Variants in PIK3C2G observed in about 807,000 individuals in gnomAD.
The protein encoded by PIK3C2G is phosphatidylinositol-4-phosphate 3-kinase catalytic subunit type 2 gamma.
Under a neutral mutation model 181.1 loss-of-function variants are expected in PIK3C2G, and 168 were observed. The observed-to-expected ratio is 0.93, with a 90% CI of 0.82 to 1.05. The LOEUF (loss-of-function observed/expected upper bound fraction) is 1.05, where lower values mean the gene tolerates loss of function less well. PIK3C2G is among the 50% of genes least tolerant of loss of function. The pLI, the probability that PIK3C2G is intolerant of heterozygous loss-of-function variation, is 0.00. For missense variants in PIK3C2G, 1,869 were observed against 1,732.8 expected, an observed-to-expected ratio of 1.08 and a Z score of -1.40; for synonymous variants, 573 against 592.2, an observed-to-expected ratio of 0.97 and a Z score of 0.47.
At chr12:18,607,104 T>G in intron 30 of PIK3C2G, 4 of 478,302 alleles carry the variant, frequency 8.4e-6, no homozygotes, top group South Asian at 6.3e-5. Flanking sequence ...CATTTCACGA[T>G]AAGGGCTGTG....
At chr12:18,565,961 T>A (rs185797306) in intron 28 of PIK3C2G, among the ~76,000 whole-genome samples, 89 of 152,318 alleles carry the variant, frequency 5.8e-4, no homozygotes, top group African/African-American at 2.1e-3. Context: ...TACCTATCTA[T>A]CTATCTTCTA....
the PIK3C2G span, among the ~76,000 whole-genome samples, chr12:18,721,892 A>G: frequency 6.6e-6 from 1 of 151,988 alleles, no homozygotes; most frequent in Non-Finnish European, 1.5e-5. Context: ...GAACCCTTCA[A>G]AATCTTTGCA....
chr12:18,552,912 G>T (rs1225666650), intron 26 of PIK3C2G, among the ~76,000 whole-genome samples: 1 of 151,994 alleles, frequency 6.6e-6, no homozygotes, highest in Non-Finnish European at 1.5e-5. Context: ...TTTGAAAAAA[G>T]ATATCGTAAA....
chr12:18,245,076 G>A (rs537823882), upstream of PIK3C2G, among the ~76,000 whole-genome samples: 1 of 152,166 alleles, frequency 6.6e-6, no homozygotes, highest in East Asian at 1.9e-4. Flanking sequence ...CATGTGAACT[G>A]AAAAATACTT....
At chr12:18,635,452 A>G (rs1949551510) in intron 31 of PIK3C2G, among the ~76,000 whole-genome samples, 1 of 152,154 alleles carries the variant, frequency 6.6e-6, no homozygotes. Context: ...TGCCCATCCA[A>G]TTCGTGATGG....
chr12:18,591,980 A>G (rs1947106825), intron 29 of PIK3C2G, among the ~76,000 whole-genome samples: 2 of 152,000 alleles, frequency 1.3e-5, no homozygotes, highest in Non-Finnish European at 2.9e-5. Flanking sequence ...GGTGAGGAGA[A>G]CAGAGAGTCC....
chr12:18,700,204 AT>A, the PIK3C2G span, among the ~76,000 whole-genome samples: 3 of 151,952 alleles, frequency 2.0e-5, no homozygotes, highest in Non-Finnish European at 4.4e-5. Context: ...ATTACTATTT[AT>A]TTTTTTCCTA....
chr12:18,380,590 G>A (rs1201963149), intron 13 of PIK3C2G, among the ~76,000 whole-genome samples: 1 of 152,102 alleles, frequency 6.6e-6, no homozygotes, highest in East Asian at 1.9e-4. Flanking sequence ...CCCTGATATT[G>A]TTATACCAAG....
At chr12:18,623,258 A>G (rs971102720) in intron 31 of PIK3C2G, among the ~76,000 whole-genome samples, 1 of 151,762 alleles carries the variant, frequency 6.6e-6, no homozygotes, top group Non-Finnish European at 1.5e-5. Flanking sequence ...ATTCTTTTGC[A>G]TATGAATACC....
At chr12:18,462,235 A>G (rs971227099) in intron 18 of PIK3C2G, among the ~76,000 whole-genome samples, 4 of 152,172 alleles carry the variant, frequency 2.6e-5, no homozygotes, top group African/African-American at 9.6e-5. Context: ...TTTAATCCAC[A>G]GTCTGTTAGC....
chr12:18,650,704 GTATATATCTATATATATA>G (rs1950449180), downstream of PIK3C2G, among the ~76,000 whole-genome samples: 79 of 57,776 alleles, frequency 1.4e-3, no homozygotes, highest in African/African-American at 4.1e-3. Flanking sequence ...GTGTGTGTGT[GTATATATCTATATATATA>G]TATATATATA....
chr12:18,580,993 T>C (rs900433917), intron 29 of PIK3C2G, among the ~76,000 whole-genome samples: 1 of 152,208 alleles, frequency 6.6e-6, no homozygotes, highest in Non-Finnish European at 1.5e-5. Flanking sequence ...CTTGCTGTTA[T>C]ATTACATTAC....
intron 23 of PIK3C2G, among the ~76,000 whole-genome samples, chr12:18,504,083 C>G (rs1192219266): frequency 6.6e-6 from 1 of 152,100 alleles, no homozygotes; most frequent in South Asian, 2.1e-4. Flanking sequence ...AAAAAATGCA[C>G]CATTAGATTT....
intron 18 of PIK3C2G, among the ~76,000 whole-genome samples, chr12:18,461,105 TTATA>T (rs1350435329): frequency 6.6e-6 from 1 of 152,068 alleles, no homozygotes; most frequent in Non-Finnish European, 1.5e-5. Context: ...GCGTGGTATT[TTATA>T]TATATAGTGA....
chr12:18,518,220 G>T (rs1942675333), intron 24 of PIK3C2G, among the ~76,000 whole-genome samples: 1 of 152,136 alleles, frequency 6.6e-6, no homozygotes, highest in South Asian at 2.1e-4. Context: ...CCTCTGCCAG[G>T]TTTTGGCATC....
chr12:18,431,087 C>T (rs1196501251), intron 18 of PIK3C2G, among the ~76,000 whole-genome samples: 1 of 152,092 alleles, frequency 6.6e-6, no homozygotes, highest in Admixed American at 6.6e-5. Context: ...GTCTCTCTCA[C>T]CCGCCTCTCC....
intron 14 of PIK3C2G, among the ~76,000 whole-genome samples, chr12:18,385,480 T>C (rs1790378768): frequency 6.6e-6 from 1 of 152,158 alleles, no homozygotes; most frequent in Non-Finnish European, 1.5e-5. Context: ...GAATGCAATC[T>C]AGTGGAACAG....
intron 11 of PIK3C2G, among the ~76,000 whole-genome samples, chr12:18,353,825 A>T (rs2137722802): frequency 6.6e-6 from 1 of 152,322 alleles, no homozygotes; most frequent in East Asian, 1.9e-4. Context: ...CCAGAAAGGC[A>T]GTGGGATTCT....
chr12:18,262,334 T>A (rs10219767), intron 1 of PIK3C2G, among the ~76,000 whole-genome samples: 150,099 of 152,146 alleles, frequency 0.99, 74,063 homozygotes, highest in East Asian at 1. Flanking sequence ...CATAGTGATC[T>A]CCTTTTTAAA....
Sources: gnomAD v4.1 joint callset for allele counts (sites outside exome capture counted in the v4.1 genomes callset) on GRCh38, gnomAD v4.1.1 for gene constraint, MANE v1.5 for transcripts, NCBI Gene and HGNC (gene_info 2026-07-23, HGNC 2026-07-21) for gene names.